The following ATP9B variants were observed in gnomAD, a reference collection of about 807,000 sequenced individuals.
ATP9B encodes probable phospholipid-transporting ATPase IIB.
A neutral mutation model predicts 146.1 loss-of-function variants in ATP9B; 110 were observed. The observed-to-expected ratio is 0.75, with a 90% CI of 0.65 to 0.88. ATP9B has a LOEUF of 0.88. Ranked by LOEUF, ATP9B falls within the 40% of genes least tolerant of loss-of-function variation. The pLI, the probability that ATP9B is intolerant of heterozygous loss-of-function variation, is 0.00. For missense variants in ATP9B, 1,499 were observed against 1,496.4 expected, an observed-to-expected ratio of 1.00 and a Z score of -0.03; for synonymous variants, 604 against 569.7, an observed-to-expected ratio of 1.06 and a Z score of -0.86.
At chr18:79,366,400 G>A (rs1009129046) in intron 26 of ATP9B, among the ~76,000 whole-genome samples, 12 of 152,222 alleles carry the variant, frequency 7.9e-5, no homozygotes, top group East Asian at 5.8e-4. Flanking sequence ...TGGGAAAGGC[G>A]TTTGACTGTG....
At chr18:79,289,706 A>G (rs938376279) in intron 13 of ATP9B, among the ~76,000 whole-genome samples, 2 of 152,024 alleles carry the variant, frequency 1.3e-5, no homozygotes, top group African/African-American at 2.4e-5. Flanking sequence ...TAGAGTTTGC[A>G]GTTTTTCTGC....
chr18:79,262,416 A>G (rs546438181), intron 12 of ATP9B, among the ~76,000 whole-genome samples: 4 of 152,314 alleles, frequency 2.6e-5, no homozygotes, highest in African/African-American at 7.2e-5. Context: ...TATTTTATAT[A>G]TACAAACCTT....
At chr18:79,253,280 T>A in intron 11 of ATP9B, 101 bp from the exon 12 acceptor site, 1 of 1,136,066 alleles carries the variant, frequency 8.8e-7, no homozygotes. Context: ...ACCAATAAAT[T>A]TTAAAGTTTT....
chr18:79,126,382 A>G lies in ATP9B; in HGVS notation c.667+7A>G. 1 of 1,590,466 alleles carries G rather than the reference A, an allele frequency of 6.3e-7. No homozygotes were observed. Among genetic ancestry groups the G allele is most frequent in the African/African-American group, 1.3e-5 (1 of 74,640 alleles). On this transcript the variant is annotated splice_region_variant and intron_variant, in intron 5 of 29. Coordinates refer to ENST00000426216, the MANE Select transcript of ATP9B (RefSeq NM_198531.5). ...AGCAAGCTTACAGTAAGAGGTCAGCAAGATGCTTTAATCCTGCTTAGCGTT... is the reference window on the plus strand; with the variant it reads ...AGCAAGCTTACAGTAAGAGGTCAGCGAGATGCTTTAATCCTGCTTAGCGTT...
chr18:79,084,786 G>A (rs2073643161), intron 1 of ATP9B, among the ~76,000 whole-genome samples: 1 of 152,172 alleles, frequency 6.6e-6, no homozygotes, highest in Non-Finnish European at 1.5e-5. Flanking sequence ...TTTCCTTGAA[G>A]TGGAATTATT....
chr18:79,118,624 TCTC>T, intron 4 of ATP9B, among the ~76,000 whole-genome samples: 1 of 151,916 alleles, frequency 6.6e-6, no homozygotes, highest in South Asian at 2.1e-4. Context: ...ATGGTCTCGA[TCTC>T]CTGACCTCGT....
At chr18:79,338,665 A>T (rs1045465794) in intron 19 of ATP9B, among the ~76,000 whole-genome samples, 1 of 152,144 alleles carries the variant, frequency 6.6e-6, no homozygotes, top group African/African-American at 2.4e-5. Flanking sequence ...TTTTTCACTT[A>T]CTGATGTGTC....
At chr18:79,163,753 T>A (rs1316759899) in intron 7 of ATP9B, among the ~76,000 whole-genome samples, 2 of 152,018 alleles carry the variant, frequency 1.3e-5, no homozygotes, top group African/African-American at 4.8e-5. Context: ...TATATATGCG[T>A]GTATAATATA....
intron 11 of ATP9B, among the ~76,000 whole-genome samples, chr18:79,244,867 C>A (rs1004759631): frequency 1.8e-4 from 28 of 152,322 alleles, no homozygotes; most frequent in Admixed American, 3.3e-4. Context: ...ATGGTCTTCC[C>A]TTTCTTACCA....
At chr18:79,119,140 C>T (rs1198619233) in intron 4 of ATP9B, among the ~76,000 whole-genome samples, 2 of 150,638 alleles carry the variant, frequency 1.3e-5, no homozygotes, top group African/African-American at 4.9e-5. Flanking sequence ...GGTCTGAGAA[C>T]ACAAATTCTT....
At chr18:79,224,937 C>T (rs1316283518) in intron 11 of ATP9B, among the ~76,000 whole-genome samples, 1 of 152,206 alleles carries the variant, frequency 6.6e-6, no homozygotes, top group Non-Finnish European at 1.5e-5. Context: ...GGCGACCTGT[C>T]TCCAGCAGCT....
At position 79,307,105 on chromosome 18, in the gene ATP9B, C is replaced by T. The variant is rs746305750; in HGVS notation, c.1644C>T (p.Ile548=). Residue 548 remains isoleucine, a synonymous_variant, in exon 15 of 30, where the codon ATC becomes ATT. Transcript: ENST00000426216. Reference sequence around the variant, plus strand: ...GAATCCATGAAGCCGTGAAAGCCATCGTGCTGTGTCACAACGTGACCCCCG... The same window carrying T: ...GAATCCATGAAGCCGTGAAAGCCATTGTGCTGTGTCACAACGTGACCCCCG... ...SSRIHEAVKA[I]VLCHNVTPVY... 85 of 1,614,186 alleles carry T rather than the reference C, an allele frequency of 5.3e-5. 1 individual carries two copies. The Admixed American group carries it at 9.3e-4, about 18-fold the overall frequency.
At chr18:79,344,885 C>T (rs990090790) in intron 21 of ATP9B, among the ~76,000 whole-genome samples, 1 of 152,238 alleles carries the variant, frequency 6.6e-6, no homozygotes, top group African/African-American at 2.4e-5. Context: ...AAAGTAGCTT[C>T]ATGCCTCGTT....
chr18:79,305,874 G>C (rs759432960), intron 14 of ATP9B, among the ~76,000 whole-genome samples: 7 of 152,348 alleles, frequency 4.6e-5, no homozygotes, highest in Middle Eastern at 3.4e-3. Flanking sequence ...GTGCAACACA[G>C]ATCTTTTATA....
Position 79,287,818 on chromosome 18 carries a change from C to G in ATP9B, c.1411+10622C>G, listed in dbSNP as rs1446436754. On this transcript the variant is annotated intron_variant, in intron 13 of 29. Transcript: ENST00000426216. ...TCCCAGAGATTCTGGTATGTTGTGT[C>G]TTTGTTCTCGTTGGTTTCAAAGAAC... Among the ~76,000 whole-genome samples, 4 of 150,218 alleles carry G rather than the reference C, an allele frequency of 2.7e-5. No individual in the cohort carries two copies. The East Asian group carries it at 7.9e-4, about 30-fold the overall frequency.
intron 8 of ATP9B, among the ~76,000 whole-genome samples, chr18:79,185,447 C>T (rs544482576): frequency 2.8e-4 from 42 of 152,220 alleles, no homozygotes; most frequent in African/African-American, 7.2e-4. Flanking sequence ...TTAACATTTT[C>T]GTGGCCAGTA....
chr18:79,098,089 C>G (rs1253939198), intron 2 of ATP9B, among the ~76,000 whole-genome samples: 1 of 140,500 alleles, frequency 7.1e-6, no homozygotes, highest in Non-Finnish European at 1.6e-5. Context: ...ACGCCACATA[C>G]CTACAACTAT....
intron 11 of ATP9B, among the ~76,000 whole-genome samples, chr18:79,243,795 T>C (rs187082785): frequency 3.5e-4 from 54 of 152,354 alleles, no homozygotes; most frequent in Non-Finnish European, 7.1e-4. Flanking sequence ...TCAAGTAGCC[T>C]TAATGAAACC....
intron 7 of ATP9B, among the ~76,000 whole-genome samples, chr18:79,176,121 C>A (rs144781015): frequency 3.6e-4 from 55 of 152,108 alleles, no homozygotes; most frequent in African/African-American, 1.2e-3. Context: ...CTGTTTTATT[C>A]AGCTCGTCCT....
Sources: allele counts gnomAD v4.1 joint callset (sites outside exome capture counted in the v4.1 genomes callset), GRCh38; gene constraint gnomAD v4.1.1; transcripts MANE v1.5; gene names NCBI Gene and HGNC (gene_info 2026-07-23, HGNC 2026-07-21).